IFFO2: variants seen among roughly 807,000 people sequenced by gnomAD.
IFFO2 encodes intermediate filament family orphan 2.
Under a neutral mutation model 53.5 loss-of-function variants are expected in IFFO2, and 19 were observed. That is an observed-to-expected ratio of 0.36 (90% CI 0.25 to 0.52). The LOEUF is 0.52. Among genes scored for constraint, IFFO2 ranks in the 20% least tolerant of loss-of-function variants. The probability of loss-of-function intolerance (pLI) is 0.94; values close to 1 mark genes in which losing one functional copy is unlikely to be tolerated. For missense variants in IFFO2, 570 were observed against 727.4 expected (o/e 0.78, Z 2.49); for synonymous variants, 303 against 313.6 (o/e 0.97, Z 0.36).
chr1:18,911,782 G>A (rs745903777), intron 6 of IFFO2, among the ~76,000 whole-genome samples, 181 bp downstream of exon 6: 12 of 152,026 alleles, frequency 7.9e-5, no homozygotes, highest in African/African-American at 2.9e-4. Flanking sequence ...CAGGTGATCC[G>A]CCCACCTCGG....
intron 1 of IFFO2, among the ~76,000 whole-genome samples, chr1:18,938,295 A>G (rs1055451744): frequency 6.6e-6 from 1 of 152,224 alleles, no homozygotes; most frequent in Non-Finnish European, 1.5e-5. Context: ...AGTGCCTAAC[A>G]TTATTTTGCT....
At chr1:18,909,612 G>A (rs895120878) in intron 8 of IFFO2, among the ~76,000 whole-genome samples, 7 of 152,114 alleles carry the variant, frequency 4.6e-5, no homozygotes, top group African/African-American at 1.7e-4. Flanking sequence ...GTTTTATAAG[G>A]GGGGGTTTCC....
At chr1:18,931,886 A>G (rs1171632635) in intron 1 of IFFO2, among the ~76,000 whole-genome samples, 1 of 152,228 alleles carries the variant, frequency 6.6e-6, no homozygotes, top group Admixed American at 6.5e-5. Flanking sequence ...TTACAGTGCC[A>G]CGGTCAGATG....
At chr1:18,910,680 C>T (rs1399299829) in intron 7 of IFFO2, among the ~76,000 whole-genome samples, 1 of 152,224 alleles carries the variant, frequency 6.6e-6, no homozygotes, top group Non-Finnish European at 1.5e-5. Context: ...TCCTTCTGGC[C>T]AAAGGGGAAT....
intron 5 of IFFO2, among the ~76,000 whole-genome samples, chr1:18,914,777 C>A (rs947021235): frequency 6.8e-6 from 1 of 147,412 alleles, no homozygotes; most frequent in Non-Finnish European, 1.5e-5. Context: ...GAGCTGAGAT[C>A]GCACCACCAC....
chr1:18,908,144 G>GTAGATCTC lies in IFFO2; in HGVS notation c.*416_*417insGAGATCTA. 9 of 214,356 alleles carry GTAGATCTC rather than the reference G, an allele frequency of 4.2e-5. No individual in the cohort carries two copies. The highest frequency in any genetic ancestry group is 1.5e-4 in the Admixed American group (3 of 19,600). The allele number at this position is 214,356 out of a possible 1,614,324, so 13.3% of individuals were successfully genotyped here. ...CCCATGGCCAATCAGAGGAGCAGGTGGGACGGACGGCAGAAACCACATTAC... is the reference window on the plus strand; with the variant it reads ...CCCATGGCCAATCAGAGGAGCAGGTGTAGATCTCGGACGGACGGCAGAAACCACATTAC... On this transcript the variant is annotated 3_prime_UTR_variant, in exon 9 of 9. Coordinates refer to ENST00000455833, the MANE Select transcript of IFFO2 (RefSeq NM_001136265.2).
At chr1:18,945,592 A>G (rs1359004500) in intron 1 of IFFO2, among the ~76,000 whole-genome samples, 2 of 152,252 alleles carry the variant, frequency 1.3e-5, no homozygotes, top group Non-Finnish European at 1.5e-5. Flanking sequence ...CGAGCAGCAG[A>G]TGAGCAGGGT....
At chr1:18,914,378 G>A (rs2100645418) in intron 5 of IFFO2, among the ~76,000 whole-genome samples, 1 of 152,306 alleles carries the variant, frequency 6.6e-6, no homozygotes, top group South Asian at 2.1e-4. Flanking sequence ...TATAAAAGCA[G>A]GGACAACAAT....
rs935368777 is a variant in IFFO2 at position 18,919,980 on chromosome 1, T to C, written c.727-207A>G. Among the ~76,000 whole-genome samples the C allele has an allele frequency of 6.6e-6, 1 of 152,228 alleles. No individual in the cohort carries two copies. Among genetic ancestry groups the C allele is most frequent in the Non-Finnish European group, 1.5e-5 (1 of 68,040 alleles). ...TTAAAACACTTTTCAAAGCGTTATC[T>C]ATTACGTGGGAAAATCCATGGAAGG... is the stretch of plus-strand genomic sequence containing the variant. On this transcript the variant is annotated intron_variant, in intron 2 of 8. Coordinates refer to ENST00000455833, the MANE Select transcript of IFFO2 (RefSeq NM_001136265.2). This position sits in a 1 kb window ranked among gnomAD's most constrained non-coding sequence, Gnocchi z 4.9.
chr1:18,945,096 C>G (rs945157816), intron 1 of IFFO2, among the ~76,000 whole-genome samples: 4 of 152,204 alleles, frequency 2.6e-5, no homozygotes, highest in Non-Finnish European at 5.9e-5. Context: ...AACACCCTCT[C>G]TCCTTCTCTT....
intron 1 of IFFO2, among the ~76,000 whole-genome samples, chr1:18,935,266 G>GA (rs1363593448): frequency 2.6e-5 from 4 of 152,208 alleles, no homozygotes; most frequent in African/African-American, 9.7e-5. Context: ...CAAGGGTTGG[G>GA]AGATCAGGCT....
At chr1:18,924,370 C>A (rs1239201475) in intron 1 of IFFO2, among the ~76,000 whole-genome samples, 1 of 152,224 alleles carries the variant, frequency 6.6e-6, no homozygotes, top group Non-Finnish European at 1.5e-5. Flanking sequence ...ACAACCCTCC[C>A]TCTTCCCTGG....
At position 18,916,262 on chromosome 1, in the gene IFFO2, C is replaced by T. The variant is rs1020772331; in HGVS notation, c.1103+641G>A. Reference sequence around the variant, plus strand: ...TGGGCAAGAACACCCCTTCTCCCACCGCTTTTTTGGAGGAAGCTTTCGAAG... The same window carrying T: ...TGGGCAAGAACACCCCTTCTCCCACTGCTTTTTTGGAGGAAGCTTTCGAAG... On this transcript the variant is annotated intron_variant, in intron 5 of 8. Transcript: ENST00000455833. The surrounding 1 kb of genome is among the most constrained non-coding windows in gnomAD (Gnocchi z 4.3). Among the ~76,000 whole-genome samples the T allele has an allele frequency of 4.6e-5, 7 of 152,146 alleles. No individual in the cohort carries two copies. The highest frequency in any genetic ancestry group is 2.1e-4 in the South Asian group (1 of 4,824).
At chr1:18,943,792 C>T (rs963744285) in intron 1 of IFFO2, among the ~76,000 whole-genome samples, 1 of 152,234 alleles carries the variant, frequency 6.6e-6, no homozygotes, top group African/African-American at 2.4e-5. Context: ...ACAAACCCCA[C>T]GGGCAACCTC....
chr1:18,937,801 G>A (rs557266275), intron 1 of IFFO2, among the ~76,000 whole-genome samples: 1 of 152,376 alleles, frequency 6.6e-6, no homozygotes, highest in East Asian at 1.9e-4. Flanking sequence ...CTCTCAGATG[G>A]ATGGAGGGTC....
chr1:18,925,413 G>A (rs1936268919), intron 1 of IFFO2, among the ~76,000 whole-genome samples: 1 of 152,170 alleles, frequency 6.6e-6, no homozygotes, highest in Admixed American at 6.5e-5. Flanking sequence ...GGGATCCCAC[G>A]GCACACAGCT....
At position 18,916,696 on chromosome 1, in the gene IFFO2, G is replaced by T. The variant is rs1467753292; in HGVS notation, c.1103+207C>A. On this transcript the variant is annotated intron_variant, in intron 5 of 8. Transcript: ENST00000455833. This position sits in a 1 kb window ranked among gnomAD's most constrained non-coding sequence, Gnocchi z 4.3. ...ATGAAAGGATCCCTAAACCCAAGAGGTTGAGGCTGCAGTGAGCTGTGACCA... is the reference window on the plus strand; with the variant it reads ...ATGAAAGGATCCCTAAACCCAAGAGTTTGAGGCTGCAGTGAGCTGTGACCA... 6.6e-6 allele frequency among the ~76,000 whole-genome samples: 1 copy of T among 152,104 alleles called. No homozygotes were observed. Among genetic ancestry groups the T allele is most frequent in the Non-Finnish European group, 1.5e-5 (1 of 68,016 alleles).
intron 6 of IFFO2, 91 bp downstream of exon 6, chr1:18,911,872 G>A (rs1280913070): frequency 8.9e-6 from 13 of 1,465,212 alleles, no homozygotes; most frequent in South Asian, 1.3e-5. Context: ...GGTGGGGGCT[G>A]TAGAAAAATA....
At position 18,916,466 on chromosome 1, in the gene IFFO2, A is replaced by T. The variant is rs1423423066; in HGVS notation, c.1103+437T>A. Reference sequence around the variant, plus strand: ...ACATATGAAATTTCCCAAATTACAAATGTTGAAAATGAGTCTTGGCTGTGT... The same window carrying T: ...ACATATGAAATTTCCCAAATTACAATTGTTGAAAATGAGTCTTGGCTGTGT... On this transcript the variant is annotated intron_variant, in intron 5 of 8. Coordinates refer to ENST00000455833, the MANE Select transcript of IFFO2 (RefSeq NM_001136265.2). The surrounding 1 kb of genome is among the most constrained non-coding windows in gnomAD (Gnocchi z 4.3). 6.6e-6 allele frequency among the ~76,000 whole-genome samples: 1 copy of T among 152,130 alleles called. No homozygotes were observed. The highest frequency in any genetic ancestry group is 1.5e-5 in the Non-Finnish European group (1 of 68,004).
Sources: gnomAD v4.1 joint callset for allele counts (sites outside exome capture counted in the v4.1 genomes callset) on GRCh38, gnomAD v4.1.1 for gene constraint, Gnocchi (gnomAD v3.1) non-coding constraint, MANE v1.5 for transcripts, NCBI Gene and HGNC (gene_info 2026-07-23, HGNC 2026-07-21) for gene names.